The following GNPNAT1 variants were observed in gnomAD, a reference collection of about 807,000 sequenced individuals.
GNPNAT1 encodes the protein glucosamine-phosphate N-acetyltransferase 1.
A neutral mutation model predicts 19.8 loss-of-function variants in GNPNAT1; 11 were observed. That is an observed-to-expected ratio of 0.56 (90% confidence interval 0.35 to 0.92). The LOEUF is 0.92. GNPNAT1 is among the 40% of genes least tolerant of loss of function. GNPNAT1 has a pLI of 0.01. For missense variants in GNPNAT1, 157 were observed against 211.0 expected, an observed-to-expected ratio of 0.74 and a Z score of 1.59; for synonymous variants, 71 against 72.3, an observed-to-expected ratio of 0.98 and a Z score of 0.09.
chr14:52,788,174 G>A (rs1594893548), intron 1 of GNPNAT1, among the ~76,000 whole-genome samples: 1 of 152,080 alleles, frequency 6.6e-6, no homozygotes, highest in Admixed American at 6.6e-5. Context: ...AGGCTGGAGT[G>A]CAGTGGTGCA....
chr14:52,779,489 C>A (rs1882826476), intron 5 of GNPNAT1, among the ~76,000 whole-genome samples: 1 of 151,992 alleles, frequency 6.6e-6, no homozygotes, highest in Non-Finnish European at 1.5e-5. Context: ...AATTCCAGCA[C>A]TTTAGGAGGC....
intron 1 of GNPNAT1, among the ~76,000 whole-genome samples, chr14:52,789,986 C>CAAAAAA (rs200756037): frequency 9.3e-6 from 1 of 107,210 alleles, no homozygotes; most frequent in Non-Finnish European, 1.9e-5. Flanking sequence ...TCCAGAAGGA[C>CAAAAAA]AAAAAAAAAA....
At chr14:52,786,288 A>G (rs1460531843) in intron 1 of GNPNAT1, among the ~76,000 whole-genome samples, 2 of 151,696 alleles carry the variant, frequency 1.3e-5, no homozygotes, top group Non-Finnish European at 2.9e-5. Context: ...GTAGATCACC[A>G]GAGGTCAGGA....
intron 4 of GNPNAT1, 55 bp downstream of exon 4, chr14:52,781,729 C>G: frequency 1.3e-6 from 2 of 1,523,556 alleles, no homozygotes; most frequent in East Asian, 2.4e-5. Context: ...AATGGAAACT[C>G]AAAGTCAGTT....
chr14:52,783,999 C>CTT (rs1371184396), intron 2 of GNPNAT1, among the ~76,000 whole-genome samples: 1 of 152,100 alleles, frequency 6.6e-6, no homozygotes, highest in Non-Finnish European at 1.5e-5. Context: ...TTCCTACACT[C>CTT]AATAATTAGG....
chr14:52,785,072 CG>C (rs1336070107), intron 1 of GNPNAT1, among the ~76,000 whole-genome samples: 1 of 151,730 alleles, frequency 6.6e-6, no homozygotes, highest in Non-Finnish European at 1.5e-5. Context: ...ATTATAGGCA[CG>C]TGACACCACG....
At chr14:52,778,962 G>A (rs1882811992) in intron 5 of GNPNAT1, among the ~76,000 whole-genome samples, 1 of 152,028 alleles carries the variant, frequency 6.6e-6, no homozygotes, top group Non-Finnish European at 1.5e-5. Context: ...GCTGCGGTGA[G>A]TAGTGATTGT....
intron 3 of GNPNAT1, among the ~76,000 whole-genome samples, 184 bp downstream of exon 3, chr14:52,783,239 G>A (rs936698426): frequency 2.0e-5 from 3 of 152,058 alleles, no homozygotes; most frequent in Non-Finnish European, 2.9e-5. Flanking sequence ...CAAAAACAAA[G>A]TTACTGGTAC....
chr14:52,778,899 C>G (rs554504803), intron 5 of GNPNAT1, among the ~76,000 whole-genome samples: 1 of 152,172 alleles, frequency 6.6e-6, no homozygotes, highest in East Asian at 1.9e-4. Flanking sequence ...CCTAAAGTCG[C>G]AGCTACTCCA....
At chr14:52,785,275 A>G (rs1882988540) in intron 1 of GNPNAT1, among the ~76,000 whole-genome samples, 1 of 152,072 alleles carries the variant, frequency 6.6e-6, no homozygotes, top group Non-Finnish European at 1.5e-5. Flanking sequence ...TGGTGCTACT[A>G]AATGAATAGC....
At chr14:52,778,596 C>G (rs895419568) in intron 5 of GNPNAT1, 138 bp from the exon 6 acceptor site, 1 of 685,616 alleles carries the variant, frequency 1.5e-6, no homozygotes, top group Non-Finnish European at 2.4e-6. Flanking sequence ...CCACTGCATT[C>G]ATGTAAGTTG....
rs367552028 is a variant in GNPNAT1, at chr14:52,788,938, C to T, written c.-15+2490G>A. On this transcript the variant is annotated intron_variant, in intron 1 of 5. Coordinates refer to ENST00000216410, the MANE Select transcript of GNPNAT1 (RefSeq NM_198066.4). ...TCTTTGATGAGACAGTCCTTTTCCA[C>T]GAATGATCATAAAAATAAATAATAT... 1.7e-3 allele frequency among the ~76,000 whole-genome samples: 252 copies of T among 152,168 alleles called. 2 individuals carry two copies. The highest frequency in any genetic ancestry group is 5.8e-3 in the African/African-American group (241 of 41,500).
At chr14:52,785,479 T>G (rs1021494000) in intron 1 of GNPNAT1, among the ~76,000 whole-genome samples, 6 of 151,250 alleles carry the variant, frequency 4.0e-5, no homozygotes, top group African/African-American at 7.3e-5. Context: ...TACCAACACT[T>G]TGGGAGGCCG....
At chr14:52,778,691 C>G (rs1484099107) in intron 5 of GNPNAT1, among the ~76,000 whole-genome samples, 1 of 151,918 alleles carries the variant, frequency 6.6e-6, no homozygotes, top group Non-Finnish European at 1.5e-5. Flanking sequence ...ATAAACAGGA[C>G]AAATACAAAA....
At chr14:52,785,951 A>G (rs960910588) in intron 1 of GNPNAT1, among the ~76,000 whole-genome samples, 6 of 149,694 alleles carry the variant, frequency 4.0e-5, no homozygotes, top group African/African-American at 1.2e-4. Context: ...GAGTTTCGCC[A>G]TGTCAGCCAG....
intron 5 of GNPNAT1, among the ~76,000 whole-genome samples, chr14:52,779,764 G>C: frequency 8.4e-6 from 1 of 119,622 alleles, no homozygotes; most frequent in South Asian, 3.0e-4. Flanking sequence ...AAATTATATA[G>C]ACTAGAACAC....
chr14:52,783,941 C>T (rs1225580001), intron 2 of GNPNAT1, among the ~76,000 whole-genome samples: 1 of 152,038 alleles, frequency 6.6e-6, no homozygotes, highest in Non-Finnish European at 1.5e-5. Context: ...ATTAGTGTTA[C>T]CGGAAATTGA....
At chr14:52,787,856 G>C (rs991163441) in intron 1 of GNPNAT1, 1 of 151,926 alleles carries the variant, frequency 6.6e-6, no homozygotes, top group Non-Finnish European at 1.5e-5. Context: ...ATCAGGCACT[G>C]TGCTGGTTAC....
In GNPNAT1 at chr14:52,783,500, CAG is replaced by C. The variant is rs1373570370; in HGVS notation, c.155-17_155-16del. The C allele has an allele frequency of 6.4e-7, 1 of 1,569,626 alleles. No individual in the cohort carries two copies. Among genetic ancestry groups the C allele is most frequent in the East Asian group, 2.2e-5 (1 of 44,490 alleles). On this transcript the variant is annotated splice_polypyrimidine_tract_variant and intron_variant, in intron 2 of 5. Coordinates refer to ENST00000216410, the MANE Select transcript of GNPNAT1 (RefSeq NM_198066.4). ...CTTAAAAAAACCTAGTTTTGAAAAA[CAG>C]ATTTCAAATTACGAGAATAGCAAAA...
Sources: gnomAD v4.1 joint callset for allele counts (sites outside exome capture counted in the v4.1 genomes callset) on GRCh38, gnomAD v4.1.1 for gene constraint, MANE v1.5 for transcripts, NCBI Gene and HGNC (gene_info 2026-07-23, HGNC 2026-07-21) for gene names.